The following STRN3 variants were observed in gnomAD, a reference collection of about 807,000 sequenced individuals.
STRN3 encodes striatin-3.
A neutral mutation model predicts 95.6 loss-of-function variants in STRN3; 29 were observed. That is an observed-to-expected ratio of 0.30 (90% CI 0.23 to 0.41). STRN3 has a LOEUF of 0.41. Ranked by LOEUF, STRN3 falls within the 10% of genes least tolerant of loss-of-function variation. The pLI, the probability that STRN3 is intolerant of heterozygous loss-of-function variation, is 1.00. For missense variants in STRN3, 890 were observed against 972.1 expected, an observed-to-expected ratio of 0.92 and a Z score of 1.12; for synonymous variants, 331 against 357.6, an observed-to-expected ratio of 0.93 and a Z score of 0.84.
chr14:30,913,932 T>C (rs1222392360), intron 9 of STRN3, among the ~76,000 whole-genome samples: 2 of 151,904 alleles, frequency 1.3e-5, no homozygotes, highest in Admixed American at 6.6e-5. Context: ...AAATCTCTTA[T>C]CACTTCAGTA....
intron 1 of STRN3, among the ~76,000 whole-genome samples, chr14:30,958,153 A>C (rs1484959376): frequency 6.6e-6 from 1 of 152,082 alleles, no homozygotes; most frequent in Admixed American, 6.6e-5. Flanking sequence ...TTTGTACCAA[A>C]AAATCAATAA....
chr14:30,936,429 T>C (rs2139076231), intron 6 of STRN3, 66 bp downstream of exon 6: 2 of 1,518,956 alleles, frequency 1.3e-6, no homozygotes, highest in Non-Finnish European at 1.8e-6. Flanking sequence ...ACTTAAGATA[T>C]CTTAAAAATT....
intron 1 of STRN3, among the ~76,000 whole-genome samples, chr14:31,013,863 TTTATTATTATTATTATTA>T (rs548417882): frequency 0.078 from 6,307 of 80,836 alleles, 193 homozygotes; most frequent in East Asian, 0.12. Context: ...TCAAAGCAAT[TTTATTATTATTATTATTA>T]TTATTATTAT....
chr14:30,915,446 T>C lies in STRN3; in HGVS notation c.1241-1789A>G, dbSNP rs139735425. On this transcript the variant is annotated intron_variant, in intron 9 of 17. Transcript: ENST00000357479. ...CTGAAAGCACCTGACAGAAAATATATAGAGATATTAAGTAGTATTTAATCT... is the reference window on the plus strand; with the variant it reads ...CTGAAAGCACCTGACAGAAAATATACAGAGATATTAAGTAGTATTTAATCT... Among the ~76,000 whole-genome samples, 89 of 152,264 alleles carry C rather than the reference T, an allele frequency of 5.8e-4. No individual in the cohort carries two copies. In the East Asian group the frequency reaches 0.014, roughly 24 times the overall value.
At chr14:30,974,766 A>T (rs1454309119) in intron 1 of STRN3, among the ~76,000 whole-genome samples, 1 of 152,166 alleles carries the variant, frequency 6.6e-6, no homozygotes, top group Non-Finnish European at 1.5e-5. Flanking sequence ...ACATTGCGCC[A>T]CTACACTCCA....
intron 1 of STRN3, among the ~76,000 whole-genome samples, chr14:31,009,752 C>A (rs1457485093): frequency 1.3e-5 from 2 of 151,828 alleles, no homozygotes; most frequent in African/African-American, 4.8e-5. Flanking sequence ...TTAAATACAT[C>A]ATAAAATAAA....
chr14:30,967,290 G>C (rs920395089), intron 1 of STRN3, among the ~76,000 whole-genome samples: 2 of 140,138 alleles, frequency 1.4e-5, no homozygotes, highest in Non-Finnish European at 3.1e-5. Flanking sequence ...AGAGAGGGGG[G>C]AAAGAGAGGC....
intron 1 of STRN3, among the ~76,000 whole-genome samples, chr14:31,011,655 T>C (rs1882973143): frequency 6.7e-6 from 1 of 149,470 alleles, no homozygotes. Flanking sequence ...AAAAATAAAA[T>C]AAAATTGCAA....
rs116851813 is a variant in STRN3, at chr14:30,966,008, C to T, written c.283-9766G>A. ...TACCTACTCCACCCTGACTCACCTG[C>T]TCCACTCTACATTCCAATCACCTGC... On this transcript the variant is annotated intron_variant, in intron 1 of 17. Transcript: ENST00000357479. Among the ~76,000 whole-genome samples the T allele has an allele frequency of 1.8e-3, 278 of 152,282 alleles. 5 individuals carry two copies. In the East Asian group the frequency reaches 0.032, roughly 18 times the overall value.
At chr14:30,963,374 A>G (rs537202688) in intron 1 of STRN3, among the ~76,000 whole-genome samples, 1 of 152,354 alleles carries the variant, frequency 6.6e-6, no homozygotes, top group African/African-American at 2.4e-5. Context: ...TCTCCAGAAC[A>G]GACCATGTAA....
chr14:30,976,174 T>C (rs1334663017), intron 1 of STRN3, among the ~76,000 whole-genome samples: 1 of 152,236 alleles, frequency 6.6e-6, no homozygotes, highest in Non-Finnish European at 1.5e-5. Context: ...CAATAAATTT[T>C]ATTTAAGTAT....
chr14:30,921,050 A>G (rs1250238353), intron 8 of STRN3, among the ~76,000 whole-genome samples: 1 of 149,000 alleles, frequency 6.7e-6, no homozygotes, highest in African/African-American at 2.5e-5. Flanking sequence ...GAAAGGTGAG[A>G]AGGCTTTCTA....
chr14:31,006,058 G>T (rs2139305113), intron 1 of STRN3, among the ~76,000 whole-genome samples: 1 of 148,940 alleles, frequency 6.7e-6, no homozygotes, highest in East Asian at 2.0e-4. Flanking sequence ...GGCAGAGGCT[G>T]CAGTAAGCCG....
intron 7 of STRN3, among the ~76,000 whole-genome samples, chr14:30,930,598 T>C (rs972214360): frequency 3.3e-5 from 5 of 152,168 alleles, no homozygotes; most frequent in Admixed American, 6.5e-5. Context: ...ATCTGCTAAC[T>C]TGAATCACTT....
intron 17 of STRN3, 24 bp from the exon 18 acceptor site, chr14:30,895,604 G>A: frequency 1.2e-6 from 2 of 1,609,892 alleles, no homozygotes; most frequent in Non-Finnish European, 1.7e-6. Flanking sequence ...AATAAAATTT[G>A]TTACTGAGTA....
intron 14 of STRN3, among the ~76,000 whole-genome samples, chr14:30,906,196 C>T (rs1896456577): frequency 6.6e-6 from 1 of 152,128 alleles, no homozygotes; most frequent in Non-Finnish European, 1.5e-5. Flanking sequence ...TAAATGAATT[C>T]TTACCTCTAA....
intron 1 of STRN3, among the ~76,000 whole-genome samples, chr14:30,977,194 C>A (rs955041413): frequency 1.3e-5 from 2 of 151,772 alleles, no homozygotes; most frequent in East Asian, 1.9e-4. Flanking sequence ...CCAGTGCACT[C>A]CAGCCTGGGC....
chr14:30,906,861 T>G lies in STRN3; in HGVS notation c.1888+16A>C. ...TAAAAAAACTAACTTTTCTCACAGA[T>G]GCAAAATTTACTTACTTTTATCTCC... is the stretch of plus-strand genomic sequence containing the variant. On this transcript the variant is annotated intron_variant, in intron 14 of 17. Coordinates refer to ENST00000357479, the MANE Select transcript of STRN3 (RefSeq NM_001083893.2). 1 of 1,594,580 alleles carries G rather than the reference T, an allele frequency of 6.3e-7. No individual in the cohort carries two copies. Among genetic ancestry groups the G allele is most frequent in the African/African-American group, 1.4e-5 (1 of 73,892 alleles).
intron 5 of STRN3, among the ~76,000 whole-genome samples, chr14:30,941,692 C>G (rs907947416): frequency 9.9e-5 from 15 of 152,264 alleles, no homozygotes; most frequent in African/African-American, 3.4e-4. Flanking sequence ...GTGGCATGAT[C>G]TCGGCTCACT....
Sources: gnomAD v4.1 joint callset for allele counts (sites outside exome capture counted in the v4.1 genomes callset) on GRCh38, gnomAD v4.1.1 for gene constraint, MANE v1.5 for transcripts, NCBI Gene and HGNC (gene_info 2026-07-23, HGNC 2026-07-21) for gene names.